ITPR1: variants seen among roughly 807,000 people sequenced by gnomAD.
ITPR1 encodes the protein inositol 1,4,5-trisphosphate-gated calcium channel ITPR1.
A neutral mutation model predicts 318.4 loss-of-function variants in ITPR1; 96 were observed. The ratio of observed to expected loss-of-function variants is 0.30; its 90% CI spans 0.26 to 0.36. The LOEUF (loss-of-function observed/expected upper bound fraction) is 0.36. Ranked by LOEUF, ITPR1 falls within the 10% of genes least tolerant of loss-of-function variation. The pLI is 1.00. For synonymous variants in ITPR1, 1,312 were observed against 1,289.9 expected, an observed-to-expected ratio of 1.02 and a Z score of -0.37; for missense variants, 2,440 against 3,460.2, an observed-to-expected ratio of 0.71 and a Z score of 7.40.
At chr3:4,831,026 GA>G (rs199963457) in intron 60 of ITPR1, 35 of 449,086 alleles carry the variant, frequency 7.8e-5, no homozygotes, top group Middle Eastern at 3.3e-4. Context: ...AACCTGGGAA[GA>G]AAAAAAAATA....
intron 4 of ITPR1, among the ~76,000 whole-genome samples, chr3:4,549,288 G>T (rs2085324643): frequency 6.6e-6 from 1 of 152,158 alleles, no homozygotes; most frequent in East Asian, 1.9e-4. Context: ...GTTTAAAATT[G>T]ACATTGCACA....
chr3:4,583,076 G>T (rs994011307), intron 4 of ITPR1, among the ~76,000 whole-genome samples: 2 of 152,124 alleles, frequency 1.3e-5, no homozygotes, highest in African/African-American at 4.8e-5. Flanking sequence ...GCATATAGGA[G>T]AAGAAGAAGA....
In ITPR1 at chr3:4,702,926, T is replaced by C; in HGVS notation, c.4633T>C (p.Cys1545Arg). 6.2e-7 allele frequency: 1 copy of C among 1,613,976 alleles called. No homozygotes were observed. The highest frequency in any genetic ancestry group is 8.5e-7 in the Non-Finnish European group (1 of 1,179,838). Reference sequence around the variant, plus strand: ...AAGCCAAAAAGCCTCCGTGGAGAGCTGTATTCGGGTGCTGTCTGATGTAGG... The same window carrying C: ...AAGCCAAAAAGCCTCCGTGGAGAGCCGTATTCGGGTGCTGTCTGATGTAGG... ...MPSQKASVES[C>R]IRVLSDVAKS... The change falls in exon 36 of 62, where the codon TGT becomes CGT. Residue 1545 changes from cysteine (C) to arginine (R), a missense_variant. By Grantham distance (180) the Cys-to-Arg change is radical. This residue lies in a region of ITPR1 where 166 missense variants were observed against 246.5 expected (regional missense o/e 0.67). Coordinates refer to ENST00000649015, the MANE Select transcript of ITPR1 (RefSeq NM_001378452.1).
intron 23 of ITPR1, among the ~76,000 whole-genome samples, chr3:4,675,643 GATA>G (rs1274244617): frequency 6.6e-6 from 1 of 152,042 alleles, no homozygotes; most frequent in Non-Finnish European, 1.5e-5. Flanking sequence ...TGAGACCCTT[GATA>G]ATAATATTTG....
intron 4 of ITPR1, among the ~76,000 whole-genome samples, chr3:4,547,227 T>A (rs911296144): frequency 3.9e-5 from 6 of 152,226 alleles, no homozygotes; most frequent in African/African-American, 1.4e-4. Context: ...GGCCTGACAT[T>A]TTATTTTTAT....
At chr3:4,676,856 G>T in intron 24 of ITPR1, 55 bp downstream of exon 24, 3 of 1,378,102 alleles carry the variant, frequency 2.2e-6, no homozygotes, top group East Asian at 4.7e-5. Context: ...GCGCCATTCA[G>T]ATCCAGTCCC....
At chr3:4,577,077 C>T (rs1306604753) in intron 4 of ITPR1, among the ~76,000 whole-genome samples, 1 of 152,188 alleles carries the variant, frequency 6.6e-6, no homozygotes, top group Non-Finnish European at 1.5e-5. Flanking sequence ...GGAATTTTTC[C>T]TACAATGAAT....
At chr3:4,795,585 T>G (rs11713160) in intron 53 of ITPR1, among the ~76,000 whole-genome samples, 81,626 of 152,102 alleles carry the variant, frequency 0.54, 22,488 homozygotes, top group East Asian at 0.92. Context: ...TATATGTGTT[T>G]CCACACCGCA....
intron 4 of ITPR1, among the ~76,000 whole-genome samples, chr3:4,574,241 G>C (rs1326607011): frequency 3.3e-5 from 5 of 150,780 alleles, no homozygotes; most frequent in Admixed American, 3.3e-4. Context: ...AAAAAATTCA[G>C]GGATTGATGG....
intron 42 of ITPR1, among the ~76,000 whole-genome samples, chr3:4,729,262 T>A (rs2042738208): frequency 1.3e-5 from 2 of 152,074 alleles, no homozygotes; most frequent in African/African-American, 4.8e-5. Flanking sequence ...AAAATGGGGG[T>A]GACAATGGTC....
intron 39 of ITPR1, among the ~76,000 whole-genome samples, chr3:4,713,611 A>T (rs2041543765): frequency 6.6e-6 from 1 of 152,188 alleles, no homozygotes; most frequent in Non-Finnish European, 1.5e-5. Context: ...ACCCCAGGGG[A>T]TGCCGCATGA....
At chr3:4,521,700 C>G (rs990970353) in intron 4 of ITPR1, among the ~76,000 whole-genome samples, 6 of 152,104 alleles carry the variant, frequency 3.9e-5, no homozygotes, top group African/African-American at 1.4e-4. Context: ...GAAACACTGT[C>G]TCTACTGAAA....
chr3:4,648,537 C>A (rs113228138), intron 10 of ITPR1, among the ~76,000 whole-genome samples: 53 of 151,714 alleles, frequency 3.5e-4, no homozygotes, highest in African/African-American at 1.3e-3. Flanking sequence ...TGGCCAGGTG[C>A]GATGGCTCAT....
At chr3:4,626,676 G>T (rs770266593) in intron 4 of ITPR1, among the ~76,000 whole-genome samples, 2 of 152,166 alleles carry the variant, frequency 1.3e-5, no homozygotes, top group Non-Finnish European at 2.9e-5. Context: ...GAAGCACATC[G>T]CAGTGCACTG....
chr3:4,511,393 C>G (rs1455164097), intron 2 of ITPR1, among the ~76,000 whole-genome samples: 1 of 152,148 alleles, frequency 6.6e-6, no homozygotes, highest in African/African-American at 2.4e-5. Flanking sequence ...CTCAACAAAG[C>G]TGCCACAGCC....
chr3:4,807,407 C>T (rs1378706745), intron 55 of ITPR1, among the ~76,000 whole-genome samples: 2 of 152,144 alleles, frequency 1.3e-5, no homozygotes, highest in Admixed American at 6.5e-5. Flanking sequence ...ATGCTCCCTT[C>T]GCTTAACGTA....
intron 2 of ITPR1, among the ~76,000 whole-genome samples, chr3:4,495,463 C>A (rs751729803): frequency 6.6e-6 from 1 of 152,110 alleles, no homozygotes; most frequent in Non-Finnish European, 1.5e-5. Flanking sequence ...GGAGTACTGG[C>A]GGAGTGAGAA....
At chr3:4,657,387 T>TTTG (rs2093734805) in intron 12 of ITPR1, among the ~76,000 whole-genome samples, 1 of 116,698 alleles carries the variant, frequency 8.6e-6, no homozygotes, top group African/African-American at 4.9e-5. Context: ...GTACCTAGAG[T>TTTG]TTTTTTTTTG....
chr3:4,525,734 A>AATC (rs1201063942), intron 4 of ITPR1, among the ~76,000 whole-genome samples: 3 of 152,208 alleles, frequency 2.0e-5, no homozygotes, highest in Admixed American at 6.5e-5. Flanking sequence ...CTTTGCCCAT[A>AATC]ATCTTGAAAG....
Sources: gnomAD v4.1 joint callset for allele counts (sites outside exome capture counted in the v4.1 genomes callset) on GRCh38, gnomAD v4.1.1 for gene constraint, gnomAD v4.1.1 regional missense constraint, MANE v1.5 for transcripts, NCBI Gene and HGNC (gene_info 2026-07-23, HGNC 2026-07-21) for gene names.